PACRG: variants seen among roughly 807,000 people sequenced by gnomAD.
PACRG encodes the protein parkin coregulated.
Under a neutral mutation model 29.7 loss-of-function variants are expected in PACRG, and 29 were observed. The observed-to-expected ratio is 0.98, with a 90% CI of 0.73 to 1.33. The LOEUF is 1.33. PACRG is among the 40% of genes most tolerant of loss of function. The probability of loss-of-function intolerance (pLI) is 0.00; values close to 1 mark genes in which losing one functional copy is unlikely to be tolerated. For synonymous variants in PACRG, 116 were observed against 118.7 expected (o/e 0.98, Z 0.15); for missense variants, 279 against 316.2 (o/e 0.88, Z 0.89).
At chr6:162,914,508 G>GTTTTTTTTTTTT (rs3028611) in intron 2 of PACRG, among the ~76,000 whole-genome samples, 5 of 95,094 alleles carry the variant, frequency 5.3e-5, no homozygotes, top group Non-Finnish European at 6.3e-5. Context: ...GTACTTTTTT[G>GTTTTTTTTTTTT]TTTTTTTTTT....
rs370134729 is a variant in PACRG, at chr6:162,857,887, C to A, written c.291+43606C>A. Among the ~76,000 whole-genome samples the A allele has an allele frequency of 5.3e-4, 81 of 152,042 alleles. 3 individuals are homozygous for A. In the South Asian group the frequency reaches 0.017, roughly 31 times the overall value. On this transcript the variant is annotated intron_variant, in intron 2 of 4. Transcript: ENST00000366888. ...CTGTTTCAAAGGCTTCTTAATTCTG[C>A]CAATCATGTTGCAACCTGCTTTTAA...
chr6:162,798,384 A>C (rs1429117727), intron 1 of PACRG, among the ~76,000 whole-genome samples: 2 of 151,956 alleles, frequency 1.3e-5, no homozygotes, highest in Non-Finnish European at 2.9e-5. Flanking sequence ...CCAGAAATAC[A>C]TTTTTTTCTG....
chr6:162,943,385 T>C (rs1040633912), intron 2 of PACRG, among the ~76,000 whole-genome samples: 2 of 152,148 alleles, frequency 1.3e-5, no homozygotes, highest in Admixed American at 1.3e-4. Context: ...CCAGCAGCAG[T>C]GGGCTGTTGT....
chr6:163,095,726 G>A (rs1814522241), intron 4 of PACRG, among the ~76,000 whole-genome samples: 1 of 151,934 alleles, frequency 6.6e-6, no homozygotes, highest in Admixed American at 6.6e-5. Flanking sequence ...CTTCCTATGA[G>A]AATACCAGCC....
chr6:162,921,113 C>T (rs1797032046), intron 2 of PACRG, among the ~76,000 whole-genome samples: 1 of 152,166 alleles, frequency 6.6e-6, no homozygotes, highest in Admixed American at 6.5e-5. Context: ...TGTGTTTTTA[C>T]ATAAACAAAC....
intron 2 of PACRG, among the ~76,000 whole-genome samples, chr6:163,034,977 C>T (rs562963023): frequency 6.6e-6 from 1 of 152,150 alleles, no homozygotes; most frequent in Non-Finnish European, 1.5e-5. Context: ...GCTAACAAGG[C>T]GTGGATTATT....
intron 1 of PACRG, among the ~76,000 whole-genome samples, chr6:162,738,055 A>C (rs1048016745): frequency 1.1e-4 from 16 of 152,314 alleles, no homozygotes; most frequent in Middle Eastern, 3.4e-3. Context: ...TTTTAATTGT[A>C]ACATTATATT....
Position 162,913,696 on chromosome 6 carries a change from AG to A in PACRG, c.291+99416del, listed in dbSNP as rs1365279283. On this transcript the variant is annotated intron_variant, in intron 2 of 4. Transcript: ENST00000366888. ...TCCACTAGCAGCGTTTGAGAGTCTC[AG>A]TTTCTCTACATCCTCACCAACCACT... is the stretch of plus-strand genomic sequence containing the variant. Among the ~76,000 whole-genome samples the A allele has an allele frequency of 4.6e-5, 7 of 152,310 alleles. No homozygotes were observed. In the East Asian group the frequency reaches 9.6e-4, roughly 21 times the overall value.
chr6:163,094,834 C>T (rs1814425828), intron 4 of PACRG, among the ~76,000 whole-genome samples: 1 of 152,210 alleles, frequency 6.6e-6, no homozygotes, highest in South Asian at 2.1e-4. Context: ...CCATCTGGTT[C>T]ACCTCTCTCA....
At chr6:163,294,942 G>A (rs896984379) in intron 4 of PACRG, among the ~76,000 whole-genome samples, 2 of 152,122 alleles carry the variant, frequency 1.3e-5, no homozygotes, top group Admixed American at 6.5e-5. Flanking sequence ...GATGTTTGGT[G>A]GTTGAACTTA....
At chr6:162,995,060 A>G (rs1303673580) in intron 2 of PACRG, among the ~76,000 whole-genome samples, 3 of 151,358 alleles carry the variant, frequency 2.0e-5, no homozygotes, top group Non-Finnish European at 4.4e-5. Context: ...CTCAGGGGTC[A>G]GGGGTCAGGG....
chr6:163,266,717 A>T (rs2128177537), intron 4 of PACRG, among the ~76,000 whole-genome samples: 1 of 152,230 alleles, frequency 6.6e-6, no homozygotes, highest in African/African-American at 2.4e-5. Flanking sequence ...TGCTTATGTG[A>T]CCCTCATCTG....
intron 2 of PACRG, among the ~76,000 whole-genome samples, chr6:163,054,336 T>C (rs973300017): frequency 2.0e-5 from 3 of 152,110 alleles, no homozygotes; most frequent in Non-Finnish European, 4.4e-5. Context: ...GTGAGGACAT[T>C]TTGAGAAGGT....
At chr6:162,919,426 G>T (rs1397261045) in intron 2 of PACRG, among the ~76,000 whole-genome samples, 1 of 152,154 alleles carries the variant, frequency 6.6e-6, no homozygotes. Context: ...AAAAGTTCTT[G>T]TTACGAATGA....
intron 2 of PACRG, among the ~76,000 whole-genome samples, chr6:162,862,054 C>T (rs1791905119): frequency 6.6e-6 from 1 of 152,174 alleles, no homozygotes; most frequent in Admixed American, 6.5e-5. Context: ...GACAGAACTC[C>T]TCTCTGTCTG....
At chr6:163,201,310 G>C (rs140884822) in intron 4 of PACRG, among the ~76,000 whole-genome samples, 21 of 152,278 alleles carry the variant, frequency 1.4e-4, no homozygotes, top group African/African-American at 4.1e-4. Context: ...ATAGGAACCA[G>C]GAAGACTACA....
chr6:163,052,960 T>A (rs1049658975), intron 2 of PACRG, among the ~76,000 whole-genome samples: 4 of 152,186 alleles, frequency 2.6e-5, no homozygotes, highest in African/African-American at 7.2e-5. Context: ...GCTTCACATT[T>A]CTGGAGCTAA....
rs574534968 is a variant in PACRG at position 162,915,519 on chromosome 6, A to G, written c.291+101238A>G. 3.4e-3 allele frequency among the ~76,000 whole-genome samples: 516 copies of G among 152,112 alleles called. 1 individual carries two copies. Among genetic ancestry groups the G allele is most frequent in the Middle Eastern group, 0.014 (4 of 294 alleles). The stretch of plus-strand genomic sequence containing the variant: ...TGTCTGTTTTGTACTATTAATACCT[A>G]TTGTGATATTTTTATATAGTTGGAT... On this transcript the variant is annotated intron_variant, in intron 2 of 4. Transcript: ENST00000366888.
chr6:163,065,960 T>A (rs770177944), intron 3 of PACRG, among the ~76,000 whole-genome samples: 1 of 152,096 alleles, frequency 6.6e-6, no homozygotes, highest in African/African-American at 2.4e-5. Context: ...ACAAAAGAGT[T>A]AAAAGTTAGT....
Sources: allele counts gnomAD v4.1 joint callset (sites outside exome capture counted in the v4.1 genomes callset), GRCh38; gene constraint gnomAD v4.1.1; transcripts MANE v1.5; gene names NCBI Gene and HGNC (gene_info 2026-07-23, HGNC 2026-07-21).